The following GPR149 variants were observed in gnomAD, a reference collection of about 807,000 sequenced individuals.
The protein encoded by GPR149 is probable G protein-coupled receptor 149.
In GPR149, 50 loss-of-function variants were observed where a neutral mutation model predicts 50.2. That is an observed-to-expected ratio of 1.00 (90% CI 0.79 to 1.26). The LOEUF (loss-of-function observed/expected upper bound fraction) is 1.26. Ranked by LOEUF, GPR149 falls within the 50% of genes most tolerant of loss-of-function variation. The pLI, the probability that GPR149 is intolerant of heterozygous loss-of-function variation, is 0.00. For synonymous variants in GPR149, 405 were observed against 358.2 expected (o/e 1.13, Z -1.48); for missense variants, 983 against 895.4 (o/e 1.10, Z -1.25).
chr3:154,343,986 C>A (rs543727591), intron 3 of GPR149, among the ~76,000 whole-genome samples: 2 of 150,984 alleles, frequency 1.3e-5, no homozygotes, highest in Non-Finnish European at 2.9e-5. Context: ...CCACCGCCCC[C>A]CCAAAAAAAA....
chr3:154,386,018 A>G (rs1221443681), intron 3 of GPR149, among the ~76,000 whole-genome samples: 2 of 152,202 alleles, frequency 1.3e-5, no homozygotes, highest in African/African-American at 4.8e-5. Flanking sequence ...CTCTTCAGGT[A>G]CAGGTAAGGG....
intron 3 of GPR149, among the ~76,000 whole-genome samples, chr3:154,419,053 T>G (rs1712067141): frequency 6.6e-6 from 1 of 152,052 alleles, no homozygotes; most frequent in Non-Finnish European, 1.5e-5. Flanking sequence ...AAGTTTTACC[T>G]TTCCAGAATA....
chr3:154,404,795 A>T (rs1711638003), intron 3 of GPR149, among the ~76,000 whole-genome samples: 1 of 152,172 alleles, frequency 6.6e-6, no homozygotes, highest in Admixed American at 6.5e-5. Context: ...TAAGTGAGCA[A>T]TTTTTTGTAA....
chr3:154,340,753 G>C (rs1713771705), intron 3 of GPR149, among the ~76,000 whole-genome samples: 1 of 152,186 alleles, frequency 6.6e-6, no homozygotes, highest in Admixed American at 6.5e-5. Context: ...ACAGAGTCTT[G>C]CTCTGTTACC....
chr3:154,354,074 G>C, intron 3 of GPR149: 1 of 459,462 alleles, frequency 2.2e-6, no homozygotes, highest in East Asian at 6.0e-5. Flanking sequence ...ATGAGATTTA[G>C]AGAATTTATC....
At chr3:154,363,278 G>A (rs1714457090) in intron 3 of GPR149, among the ~76,000 whole-genome samples, 2 of 151,518 alleles carry the variant, frequency 1.3e-5, no homozygotes, top group East Asian at 1.9e-4. Flanking sequence ...AGATCAGAGG[G>A]TTGTCTCAGT....
At chr3:154,416,585 C>T (rs546318059) in intron 3 of GPR149, among the ~76,000 whole-genome samples, 72 of 151,886 alleles carry the variant, frequency 4.7e-4, no homozygotes, top group South Asian at 3.9e-3. Flanking sequence ...TAGAAACCAA[C>T]GCTGCTACTA....
intron 3 of GPR149, among the ~76,000 whole-genome samples, chr3:154,412,173 G>T (rs752633674): frequency 5.3e-5 from 8 of 151,972 alleles, no homozygotes; most frequent in Non-Finnish European, 8.8e-5. Flanking sequence ...AAAACCCTCA[G>T]CAAAATCAGC....
chr3:154,405,103 C>T lies in GPR149; in HGVS notation c.1623+15936G>A, dbSNP rs140756039. On this transcript the variant is annotated intron_variant, in intron 3 of 3. Coordinates refer to ENST00000389740, the MANE Select transcript of GPR149 (RefSeq NM_001038705.3). ...TAATAAAGAAGTAGTAAAGCAATTTCTATTTGCAGATGATATGATATTATA... is the reference window on the plus strand; with the variant it reads ...TAATAAAGAAGTAGTAAAGCAATTTTTATTTGCAGATGATATGATATTATA... Among the ~76,000 whole-genome samples the T allele has an allele frequency of 1.5e-3, 231 of 152,178 alleles. 2 individuals are homozygous for T. Among genetic ancestry groups the T allele is most frequent in the African/African-American group, 5.4e-3 (225 of 41,538 alleles).
chr3:154,354,875 C>T lies in GPR149; in HGVS notation c.1624-16604G>A, dbSNP rs1177553695. 3 of 224,492 alleles carry T rather than the reference C, an allele frequency of 1.3e-5. No homozygotes were observed. In the East Asian group the frequency reaches 3.4e-4, roughly 25 times the overall value. The allele number at this position is 224,492 out of a possible 1,614,324, so 13.9% of individuals were successfully genotyped here. A position where few individuals can be genotyped will look rare whatever the true frequency, so the allele number is the denominator to read the frequency against. On this transcript the variant is annotated intron_variant, in intron 3 of 3. Transcript: ENST00000389740. The stretch of plus-strand genomic sequence containing the variant: ...AGTGACAGCATGGAAGGAAGCTGGG[C>T]CTAATGCTTTACTCAAATCACACTG...
intron 3 of GPR149, among the ~76,000 whole-genome samples, chr3:154,418,975 A>G (rs1011334653): frequency 2.0e-5 from 3 of 151,940 alleles, no homozygotes; most frequent in Non-Finnish European, 4.4e-5. Context: ...GTGGTTTAGG[A>G]TTTCTTCCTG....
intron 3 of GPR149, among the ~76,000 whole-genome samples, chr3:154,358,130 G>C (rs1210423821): frequency 6.6e-6 from 1 of 151,864 alleles, no homozygotes; most frequent in East Asian, 1.9e-4. Flanking sequence ...TCACACACTG[G>C]GGCCTGTTGT....
chr3:154,367,752 G>A (rs561712102), intron 3 of GPR149, among the ~76,000 whole-genome samples: 1 of 152,120 alleles, frequency 6.6e-6, no homozygotes, highest in South Asian at 2.1e-4. Flanking sequence ...ATGGGCGGCC[G>A]CCCCACCAAA....
At chr3:154,349,647 C>G (rs1714020497) in intron 3 of GPR149, among the ~76,000 whole-genome samples, 1 of 152,172 alleles carries the variant, frequency 6.6e-6, no homozygotes, top group South Asian at 2.1e-4. Flanking sequence ...CTCTGGAGAA[C>G]TCTAGCAAAT....
chr3:154,352,271 T>A (rs1714098922), intron 3 of GPR149: 1 of 843,268 alleles, frequency 1.2e-6, no homozygotes, highest in Admixed American at 2.2e-5. Flanking sequence ...ATGGACCACC[T>A]GACTGGCCTG....
At chr3:154,376,568 C>T (rs930047116) in intron 3 of GPR149, among the ~76,000 whole-genome samples, 1 of 152,006 alleles carries the variant, frequency 6.6e-6, no homozygotes, top group African/African-American at 2.4e-5. Context: ...TTCCAGTTAC[C>T]AACACCAAAC....
At chr3:154,376,899 TAAC>T (rs1391241225) in intron 3 of GPR149, among the ~76,000 whole-genome samples, 4 of 152,076 alleles carry the variant, frequency 2.6e-5, no homozygotes, top group Non-Finnish European at 4.4e-5. Context: ...AATAAAAAGA[TAAC>T]AATAATGACC....
Position 154,429,466 on chromosome 3 carries a change from G to A in GPR149, c.150C>T (p.Gly50=), listed in dbSNP as rs1479452607. ...TCLMTFAALV[G]SIYSLISLLK... ...GCAGGGAAATTAGTGAATAAATGCT[G>A]CCCACCAAGGCTGCAAAAGTCATGA... Residue 50 remains glycine (G), a synonymous_variant, in exon 1 of 4, where the codon GGC becomes GGT. Coordinates refer to ENST00000389740, the MANE Select transcript of GPR149 (RefSeq NM_001038705.3). 7 of 1,613,958 alleles carry A rather than the reference G, an allele frequency of 4.3e-6. No homozygotes were observed. The South Asian group carries it at 6.6e-5, about 15-fold the overall frequency.
At chr3:154,362,868 A>G (rs954510403) in intron 3 of GPR149, among the ~76,000 whole-genome samples, 5 of 152,204 alleles carry the variant, frequency 3.3e-5, no homozygotes, top group Admixed American at 3.3e-4. Flanking sequence ...GGATCCATCC[A>G]TGTGTCAATG....
Sources: gnomAD v4.1 joint callset for allele counts (sites outside exome capture counted in the v4.1 genomes callset) on GRCh38, gnomAD v4.1.1 for gene constraint, MANE v1.5 for transcripts, NCBI Gene and HGNC (gene_info 2026-07-23, HGNC 2026-07-21) for gene names.